The following ZNF367 variants were observed in gnomAD, a reference collection of about 807,000 sequenced individuals.
ZNF367 encodes C2H2 zinc finger protein ZFF29.
A neutral mutation model predicts 31.8 loss-of-function variants in ZNF367; 11 were observed. That is an observed-to-expected ratio of 0.35 (90% confidence interval 0.22 to 0.57). The LOEUF is 0.57. Among genes scored for constraint, ZNF367 ranks in the 20% least tolerant of loss-of-function variants. The probability of loss-of-function intolerance (pLI) is 0.85; values close to 1 mark genes in which losing one functional copy is unlikely to be tolerated. For missense variants in ZNF367, 353 were observed against 484.1 expected, an observed-to-expected ratio of 0.73 and a Z score of 2.54; for synonymous variants, 199 against 202.4, an observed-to-expected ratio of 0.98 and a Z score of 0.14.
At chr9:96,403,768 T>G (rs1323696960) in intron 1 of ZNF367, among the ~76,000 whole-genome samples, 3 of 152,204 alleles carry the variant, frequency 2.0e-5, no homozygotes, top group Non-Finnish European at 4.4e-5. Flanking sequence ...AGAGAAAGAA[T>G]AGTCTCTTTA....
intron 1 of ZNF367, chr9:96,407,588 T>G: frequency 6.9e-7 from 1 of 1,450,906 alleles, no homozygotes. Flanking sequence ...CGAGCTAAAG[T>G]ACTTTCCAAT....
At chr9:96,392,579 A>G (rs1039830007) in intron 3 of ZNF367, 43 bp from the exon 4 acceptor site, 6 of 1,558,100 alleles carry the variant, frequency 3.9e-6, no homozygotes, top group African/African-American at 1.4e-5. Flanking sequence ...CTGGACATCC[A>G]GCACATAGAC....
At chr9:96,409,220 A>G (rs2131080744) in intron 1 of ZNF367, among the ~76,000 whole-genome samples, 1 of 152,302 alleles carries the variant, frequency 6.6e-6, no homozygotes, top group Admixed American at 6.5e-5. Context: ...CTGCAGAACT[A>G]CAACCCAAAT....
In ZNF367 at chr9:96,415,904, G is replaced by A. The variant is rs10991019; in HGVS notation, c.420+1709C>T. Among the ~76,000 whole-genome samples the A allele has an allele frequency of 8.4e-3, 1,280 of 152,058 alleles. 11 individuals are homozygous for A. Among genetic ancestry groups the A allele is most frequent in the Non-Finnish European group, 0.014 (967 of 67,964 alleles). On this transcript the variant is annotated intron_variant, in intron 1 of 4. Coordinates refer to ENST00000375256, the MANE Select transcript of ZNF367 (RefSeq NM_153695.4). ...TGTAGCCTCAAACTCCTGGTCTCAAGTGATCCTCCTGCCTCAGCCTCCCAT... is the reference window on the plus strand; with the variant it reads ...TGTAGCCTCAAACTCCTGGTCTCAAATGATCCTCCTGCCTCAGCCTCCCAT...
At chr9:96,390,177 C>T (rs933268674) in intron 4 of ZNF367, among the ~76,000 whole-genome samples, 1 of 151,620 alleles carries the variant, frequency 6.6e-6, no homozygotes, top group Non-Finnish European at 1.5e-5. Flanking sequence ...GTTGGGATTA[C>T]AGGCGTGAGC....
chr9:96,411,166 A>AGAGT (rs3045263), intron 1 of ZNF367, among the ~76,000 whole-genome samples: 44,098 of 151,776 alleles, frequency 0.29, 8,524 homozygotes, highest in African/African-American at 0.56. Flanking sequence ...CCTGGGCGAC[A>AGAGT]GAGACCTTGT....
intron 1 of ZNF367, among the ~76,000 whole-genome samples, chr9:96,402,436 CTTTCTTTCTTTTT>C (rs909648546): frequency 7.3e-6 from 1 of 136,962 alleles, no homozygotes; most frequent in Non-Finnish European, 1.6e-5. Flanking sequence ...TCCTTTACTT[CTTTCTTTCTTTTT>C]TTTTTTTTTT....
rs1054883819 is a variant in ZNF367, at chr9:96,417,050, G to A, written c.420+563C>T. Reference sequence around the variant, plus strand: ...CAGTCGGAGACTGCAAGCAATTTTAGCGTCCCATTCCACTATGTGCTCTCA... The same window carrying A: ...CAGTCGGAGACTGCAAGCAATTTTAACGTCCCATTCCACTATGTGCTCTCA... On this transcript the variant is annotated intron_variant, in intron 1 of 4. Coordinates refer to ENST00000375256, the MANE Select transcript of ZNF367 (RefSeq NM_153695.4). The surrounding 1 kb of genome is among the most constrained non-coding windows in gnomAD (Gnocchi z 5.0). Among the ~76,000 whole-genome samples, 5 of 152,192 alleles carry A rather than the reference G, an allele frequency of 3.3e-5. No individual in the cohort carries two copies. The highest frequency in any genetic ancestry group is 1.2e-4 in the African/African-American group (5 of 41,454).
chr9:96,396,818 C>A (rs1786722250), intron 2 of ZNF367, among the ~76,000 whole-genome samples: 1 of 151,992 alleles, frequency 6.6e-6, no homozygotes, highest in South Asian at 2.1e-4. Flanking sequence ...CAGGAATGTG[C>A]CACCACACCT....
At chr9:96,402,415 G>A (rs990532056) in intron 1 of ZNF367, among the ~76,000 whole-genome samples, 19 of 148,660 alleles carry the variant, frequency 1.3e-4, no homozygotes, top group African/African-American at 3.7e-4. Flanking sequence ...TGGAGTCTTC[G>A]ATACCCTACT....
chr9:96,397,308 C>G (rs1354335190), intron 2 of ZNF367, among the ~76,000 whole-genome samples: 2 of 151,094 alleles, frequency 1.3e-5, no homozygotes, highest in African/African-American at 4.9e-5. Flanking sequence ...AACAAGGGCC[C>G]TCTATACTTT....
rs1274213005 is a variant in ZNF367 at position 96,394,719 on chromosome 9, A to G, written c.691+104T>C. 8.3e-6 allele frequency: 9 copies of G among 1,082,684 alleles called. No individual in the cohort carries two copies. The Admixed American group carries it at 1.2e-4, about 14-fold the overall frequency. The allele number at this position is 1,082,684 out of a possible 1,614,324, so 67.1% of individuals were successfully genotyped here. ...AAGAAAGCTTATAAAGTTTTATAAA[A>G]TTTATATTAAAAAATCTTTCCCCTC... On this transcript the variant is annotated intron_variant, in intron 3 of 4. Transcript: ENST00000375256.
At chr9:96,394,741 C>T (rs1736994098) in intron 3 of ZNF367, 82 bp downstream of exon 3, 5 of 1,341,156 alleles carry the variant, frequency 3.7e-6, no homozygotes, top group Non-Finnish European at 5.0e-6. Flanking sequence ...AAATCTTTCC[C>T]CTCAAAAAAA....
chr9:96,398,122 AGT>A, intron 2 of ZNF367, 40 bp downstream of exon 2: 1 of 603,954 alleles, frequency 1.7e-6, no homozygotes, highest in Non-Finnish European at 2.5e-6. Context: ...AAAAAAAAAA[AGT>A]GTTACTTCTG....
chr9:96,404,243 G>A (rs1269942550), intron 1 of ZNF367, among the ~76,000 whole-genome samples: 3 of 151,978 alleles, frequency 2.0e-5, no homozygotes, highest in African/African-American at 4.8e-5. Flanking sequence ...GGCGGATCAC[G>A]AGGTCAGGAG....
At chr9:96,393,927 T>C (rs921196236) in intron 3 of ZNF367, among the ~76,000 whole-genome samples, 1 of 152,252 alleles carries the variant, frequency 6.6e-6, no homozygotes, top group African/African-American at 2.4e-5. Flanking sequence ...TGCAGACTTT[T>C]GCAACATTTG....
chr9:96,408,746 G>C lies in ZNF367; in HGVS notation c.420+8867C>G, dbSNP rs73536968. Among the ~76,000 whole-genome samples, 369 of 152,316 alleles carry C rather than the reference G, an allele frequency of 2.4e-3. 1 individual carries two copies. Among genetic ancestry groups the C allele is most frequent in the African/African-American group, 8.4e-3 (348 of 41,574 alleles). On this transcript the variant is annotated intron_variant, in intron 1 of 4. Transcript: ENST00000375256. ...TGTATACTTAAAAATGGTTAAGGTAGAAAATATTATCGGGTTTTTGCCACA... is the reference window on the plus strand; with the variant it reads ...TGTATACTTAAAAATGGTTAAGGTACAAAATATTATCGGGTTTTTGCCACA...
chr9:96,417,739 G>A lies in ZNF367; in HGVS notation c.294C>T (p.Ala98=), dbSNP rs912213951. 40 of 1,229,122 alleles carry A rather than the reference G, an allele frequency of 3.3e-5. No homozygotes were observed. In the African/African-American group the frequency reaches 5.9e-4, roughly 18 times the overall value. 76.1% of individuals were successfully genotyped at this position (1,229,122 alleles called of 1,614,324 possible). The change falls in exon 1 of 5, where the codon GCC becomes GCT. Residue 98 remains alanine, a synonymous_variant. Transcript: ENST00000375256. The surrounding 1 kb of genome is among the most constrained non-coding windows in gnomAD (Gnocchi z 5.0). ...GAAGCCCCGAGTGCTCGGCGGCTGC[G>A]GCTGCAGGCAGGGCGGCCGAGGCGG... ...GAAASAALPA[A]AAAEHSGLRG...
chr9:96,416,066 G>A (rs1330341257), intron 1 of ZNF367, among the ~76,000 whole-genome samples: 1 of 145,570 alleles, frequency 6.9e-6, no homozygotes, highest in Non-Finnish European at 1.5e-5. Context: ...ACCAGGCTCT[G>A]TTATGGTTTT....
Sources: allele counts gnomAD v4.1 joint callset (sites outside exome capture counted in the v4.1 genomes callset), GRCh38; gene constraint gnomAD v4.1.1; non-coding constraint Gnocchi (gnomAD v3.1); transcripts MANE v1.5; gene names NCBI Gene and HGNC (gene_info 2026-07-23, HGNC 2026-07-21).